Variants in CRB2 observed in about 807,000 individuals in gnomAD.
CRB2 encodes the protein crumbs cell polarity complex component 2.
Under a neutral mutation model 110.9 loss-of-function variants are expected in CRB2, and 85 were observed. The ratio of observed to expected loss-of-function variants is 0.77; its 90% CI spans 0.64 to 0.92. CRB2 has a LOEUF of 0.92. Among genes scored for constraint, CRB2 ranks in the 40% least tolerant of loss-of-function variants. The pLI is 0.00. For missense variants in CRB2, 1,843 were observed against 1,851.3 expected, an observed-to-expected ratio of 1.00 and a Z score of 0.08; for synonymous variants, 907 against 831.0, an observed-to-expected ratio of 1.09 and a Z score of -1.57.
chr9:123,361,967 A>AC (rs1564369043), intron 1 of CRB2, among the ~76,000 whole-genome samples: 1 of 152,030 alleles, frequency 6.6e-6, no homozygotes, highest in African/African-American at 2.4e-5. Flanking sequence ...CCGGTTGGTG[A>AC]CCCTCTGTTA....
Position 123,367,565 on chromosome 9 carries a change from T to A in CRB2, c.941-8T>A, listed in dbSNP as rs1483978161. 7 of 1,549,080 alleles carry A rather than the reference T, an allele frequency of 4.5e-6. No homozygotes were observed. In the Admixed American group the frequency reaches 9.7e-5, roughly 22 times the overall value. On this transcript the variant is annotated splice_region_variant and splice_polypyrimidine_tract_variant and intron_variant, in intron 5 of 12. Transcript: ENST00000373631. ...TGCAGGTGGGACCCACAGCTGGGCC[T>A]CTTACAGGAGCCGACTGCGGTGTGG... is the stretch of plus-strand genomic sequence containing the variant.
intron 1 of CRB2, among the ~76,000 whole-genome samples, chr9:123,360,277 G>T (rs1017992291): frequency 6.6e-6 from 1 of 152,092 alleles, no homozygotes; most frequent in Non-Finnish European, 1.5e-5. Context: ...GCAGCAGGTC[G>T]AAGGGGAGGG....
chr9:123,374,740 G>A (rs1420887067), intron 11 of CRB2, 45 bp downstream of exon 11: 6 of 1,405,508 alleles, frequency 4.3e-6, no homozygotes, highest in Non-Finnish European at 6.0e-6. Context: ...CAATGAATGT[G>A]GAGGGCTGTT....
intron 6 of CRB2, 23 bp downstream of exon 6, chr9:123,367,709 T>TGGGACCA (rs1469961271): frequency 6.8e-7 from 1 of 1,473,070 alleles, no homozygotes; most frequent in Non-Finnish European, 9.2e-7. Context: ...GGGTGGGCCC[T>TGGGACCA]GGGACCATCA....
chr9:123,373,095 G>C, intron 9 of CRB2, 39 bp from the exon 10 acceptor site: 1 of 1,429,502 alleles, frequency 7.0e-7, no homozygotes, highest in Admixed American at 2.8e-5. Context: ...TCTGGAGAAG[G>C]CTCCGTGGGC....
Position 123,371,515 on chromosome 9 carries a change from C to A in CRB2, c.2373C>A (p.Ser791Arg), listed in dbSNP as rs370786302. 6.2e-7 allele frequency: 1 copy of A among 1,613,166 alleles called. No homozygotes were observed. Residue 791 changes from serine (S) to arginine (R), a missense_variant, in exon 8 of 13, where the codon AGC (serine) becomes AGA (arginine). Physicochemically the swap from Ser to Arg is moderately radical, Grantham distance 110. Coordinates refer to ENST00000373631, the MANE Select transcript of CRB2 (RefSeq NM_173689.7). ...CACTGGATAACTCAAGCCAGCCCAG[C>A]GAGCTCGGCGGCAGGCAGTCCTGGA... ...PLPLDNSSQP[S>R]ELGGRQSWNL...
chr9:123,365,766 C>A, intron 2 of CRB2, 151 bp from the exon 3 acceptor site: 1 of 675,730 alleles, frequency 1.5e-6, no homozygotes, highest in Non-Finnish European at 2.3e-6. Flanking sequence ...GCTGGCATGA[C>A]CCGTCCCCCA....
At chr9:123,359,447 T>TTTTG (rs1554781714) in intron 1 of CRB2, among the ~76,000 whole-genome samples, 1 of 122,822 alleles carries the variant, frequency 8.1e-6, no homozygotes, top group African/African-American at 3.6e-5. Flanking sequence ...TTTTGTTTTT[T>TTTTG]TTTTTTTTTT....
intron 2 of CRB2, 35 bp from the exon 3 acceptor site, chr9:123,365,882 C>T (rs377585044): frequency 1.9e-6 from 3 of 1,549,236 alleles, no homozygotes. Flanking sequence ...TCTGGGTGTC[C>T]ATCCTGCACC....
upstream of CRB2, among the ~76,000 whole-genome samples, chr9:123,354,831 G>C (rs1427377156): frequency 6.6e-6 from 1 of 152,156 alleles, no homozygotes; most frequent in Admixed American, 6.5e-5. Flanking sequence ...TGGGGACCCA[G>C]GGCTGTGGCA....
Position 123,362,956 on chromosome 9 carries a change from C to T in CRB2, c.186C>T (p.Thr62=), listed in dbSNP as rs765171714. ...ECQATESGGY[T]CGPMEPRGCA... is the part of the protein sequence containing the mutation. ...AGGCTACCGAGAGTGGTGGCTATAC[C>T]TGTGGGCCCATGGAGCCCCGGGGCT... Residue 62 remains threonine (T), a synonymous_variant, in exon 2 of 13, where the codon ACC becomes ACT. Coordinates refer to ENST00000373631, the MANE Select transcript of CRB2 (RefSeq NM_173689.7). The T allele has an allele frequency of 6.2e-7, 1 of 1,611,484 alleles. No individual in the cohort carries two copies. Among genetic ancestry groups the T allele is most frequent in the South Asian group, 1.1e-5 (1 of 91,048 alleles).
intron 11 of CRB2, among the ~76,000 whole-genome samples, chr9:123,374,941 A>G (rs1419367456): frequency 6.6e-6 from 1 of 152,190 alleles, no homozygotes; most frequent in Non-Finnish European, 1.5e-5. Context: ...GGGAGACCAT[A>G]AAAGTGCAGA....
intron 3 of CRB2, 46 bp downstream of exon 3, chr9:123,366,158 G>A: frequency 7.3e-7 from 1 of 1,378,412 alleles, no homozygotes; most frequent in Non-Finnish European, 9.3e-7. Context: ...GGTGCCCGAG[G>A]GCGGGGAGGC....
intron 1 of CRB2, among the ~76,000 whole-genome samples, chr9:123,359,193 T>C (rs1238486437): frequency 1.3e-5 from 2 of 152,044 alleles, no homozygotes; most frequent in Non-Finnish European, 2.9e-5. Flanking sequence ...AAAAGAGAAT[T>C]TCACCCTTTC....
intron 1 of CRB2, among the ~76,000 whole-genome samples, chr9:123,361,927 G>GGAT (rs2041873276): frequency 6.6e-6 from 1 of 152,174 alleles, no homozygotes; most frequent in African/African-American, 2.4e-5. Flanking sequence ...AGAGGAAGGG[G>GGAT]GATGAGGATC....
chr9:123,367,137 C>A (rs377400870), intron 4 of CRB2, 35 bp from the exon 5 acceptor site: 1 of 1,532,134 alleles, frequency 6.5e-7, no homozygotes, highest in Non-Finnish European at 8.7e-7. Context: ...CCGGCAACCC[C>A]GTGAGACCTG....
rs751278429 is a variant in CRB2 at position 123,366,272 on chromosome 9, C to G, written c.660C>G (p.Cys220Trp). Residue 220 changes from cysteine to tryptophan, a missense_variant, in exon 4 of 13, where the codon TGC (cysteine) becomes TGG (tryptophan). Transcript: ENST00000373631. ...GCACCGGCTACGAGGGCACGCACTG[C>G]GAGCGGGAGGTGCTGGAGTGCGCAT... ...CAGTGYEGTH[C>W]EREVLECASA... The G allele has an allele frequency of 3.3e-6, 5 of 1,507,330 alleles. No homozygotes were observed. Among genetic ancestry groups the G allele is most frequent in the Middle Eastern group, 2.2e-4 (1 of 4,630 alleles). The allele number at this position is 1,507,330 out of a possible 1,614,324, so 93.4% of individuals were successfully genotyped here.
intron 9 of CRB2, 148 bp downstream of exon 9, chr9:123,372,490 G>A (rs1341492437): frequency 3.0e-6 from 3 of 1,015,844 alleles, no homozygotes; most frequent in East Asian, 5.3e-5. Flanking sequence ...GCATGTAGAG[G>A]GACAGAGTTT....
intron 6 of CRB2, chr9:123,368,705 C>A: frequency 1.0e-6 from 1 of 993,918 alleles, no homozygotes. Context: ...GGGACCCCAG[C>A]TGCAGGGCTG....
Sources: gnomAD v4.1 joint callset for allele counts (sites outside exome capture counted in the v4.1 genomes callset) on GRCh38, gnomAD v4.1.1 for gene constraint, MANE v1.5 for transcripts, NCBI Gene and HGNC (gene_info 2026-07-23, HGNC 2026-07-21) for gene names.